Variants in PCDH7 observed in about 807,000 individuals in gnomAD.
PCDH7 encodes the protein protocadherin-7.
PCDH7 carries 17 observed loss-of-function variants against 58.9 expected under a neutral mutation model. That is an observed-to-expected ratio of 0.29 (90% CI 0.20 to 0.43). The LOEUF is 0.43. Among genes scored for constraint, PCDH7 ranks in the 20% least tolerant of loss-of-function variants. The pLI is 1.00. For synonymous variants in PCDH7, 664 were observed against 616.4 expected (o/e 1.08, Z -1.14); for missense variants, 1,274 against 1,441.0 (o/e 0.88, Z 1.88).
chr4:30,943,720 T>G (rs1441170462), intron 2 of PCDH7, among the ~76,000 whole-genome samples: 2 of 151,852 alleles, frequency 1.3e-5, no homozygotes, highest in Non-Finnish European at 2.9e-5. Flanking sequence ...GATTTTTTTT[T>G]GCTGTTTTTT....
At chr4:30,823,733 T>G (rs1728661269) in intron 1 of PCDH7, among the ~76,000 whole-genome samples, 1 of 152,080 alleles carries the variant, frequency 6.6e-6, no homozygotes, top group Non-Finnish European at 1.5e-5. Flanking sequence ...GGGGTTAGAT[T>G]AGTAGAAAGG....
At chr4:31,084,682 GGGGGA>G (rs1434456618) in intron 3 of PCDH7, among the ~76,000 whole-genome samples, 1 of 130,352 alleles carries the variant, frequency 7.7e-6, no homozygotes, top group South Asian at 3.0e-4. Flanking sequence ...GAGAGATAAA[GGGGGA>G]GGGGAGGGAA....
chr4:31,007,005 A>G (rs573797314), intron 3 of PCDH7, among the ~76,000 whole-genome samples: 4 of 152,298 alleles, frequency 2.6e-5, no homozygotes, highest in African/African-American at 7.2e-5. Context: ...TTTAAAAAGC[A>G]GGCCCTGCTA....
At chr4:31,010,797 A>G (rs1212712607) in intron 3 of PCDH7, among the ~76,000 whole-genome samples, 1 of 151,956 alleles carries the variant, frequency 6.6e-6, no homozygotes, top group Non-Finnish European at 1.5e-5. Flanking sequence ...TAATAAGAAT[A>G]AGAAGAAAAA....
chr4:31,075,846 T>G (rs1287528988), intron 3 of PCDH7, among the ~76,000 whole-genome samples: 1 of 152,200 alleles, frequency 6.6e-6, no homozygotes, highest in Admixed American at 6.5e-5. Flanking sequence ...GGTCACTTTT[T>G]CTATGGAAAA....
At chr4:31,081,965 G>T (rs1400796515) in intron 3 of PCDH7, among the ~76,000 whole-genome samples, 1 of 152,062 alleles carries the variant, frequency 6.6e-6, no homozygotes, top group Non-Finnish European at 1.5e-5. Flanking sequence ...TAGAGACAGG[G>T]TTTCACCATG....
chr4:31,074,962 A>G (rs2109258646), intron 3 of PCDH7, among the ~76,000 whole-genome samples: 1 of 152,094 alleles, frequency 6.6e-6, no homozygotes, highest in South Asian at 2.1e-4. Flanking sequence ...GTATATAATC[A>G]ACCATGTCCT....
chr4:30,842,815 G>T (rs1013162813), intron 1 of PCDH7, among the ~76,000 whole-genome samples: 2 of 152,158 alleles, frequency 1.3e-5, no homozygotes, highest in Non-Finnish European at 2.9e-5. Flanking sequence ...GAGGAACCAC[G>T]AGAGGGACAG....
intron 3 of PCDH7, among the ~76,000 whole-genome samples, chr4:31,104,384 C>T (rs945098209): frequency 3.3e-5 from 5 of 152,162 alleles, no homozygotes; most frequent in African/African-American, 1.2e-4. Context: ...ATCTAGTTTT[C>T]TCATACGCAC....
intron 3 of PCDH7, among the ~76,000 whole-genome samples, chr4:31,027,011 T>C (rs771986966): frequency 6.6e-6 from 1 of 152,192 alleles, no homozygotes; most frequent in Non-Finnish European, 1.5e-5. Flanking sequence ...CTAAACTTTT[T>C]AAAAAACTAA....
At chr4:31,000,318 A>G (rs1470585335) in intron 3 of PCDH7, among the ~76,000 whole-genome samples, 1 of 152,098 alleles carries the variant, frequency 6.6e-6, no homozygotes, top group African/African-American at 2.4e-5. Context: ...TTATATATGG[A>G]ACAAAGTTAC....
chr4:30,822,097 G>T (rs980042256), intron 1 of PCDH7, among the ~76,000 whole-genome samples: 2 of 151,838 alleles, frequency 1.3e-5, no homozygotes, highest in Non-Finnish European at 2.9e-5. Flanking sequence ...TCCTTAAAGG[G>T]CAGGTCTGTA....
intron 1 of PCDH7, among the ~76,000 whole-genome samples, chr4:30,812,280 T>G (rs1243759841): frequency 6.6e-6 from 1 of 152,224 alleles, no homozygotes; most frequent in Non-Finnish European, 1.5e-5. Flanking sequence ...TCCTGAAATC[T>G]TCACTTACAA....
chr4:30,752,101 T>G (rs1231497248), intron 1 of PCDH7, among the ~76,000 whole-genome samples: 1 of 152,076 alleles, frequency 6.6e-6, no homozygotes, highest in Non-Finnish European at 1.5e-5. Flanking sequence ...CTTCTTTACT[T>G]TGCTTTTCTT....
chr4:30,768,379 C>G (rs901131355), intron 1 of PCDH7, among the ~76,000 whole-genome samples: 1 of 140,388 alleles, frequency 7.1e-6, no homozygotes, highest in Admixed American at 7.1e-5. Context: ...CTTTTAAGAG[C>G]GGCTGAAATT....
intron 1 of PCDH7, among the ~76,000 whole-genome samples, chr4:30,852,930 G>A (rs1378172544): frequency 6.6e-6 from 1 of 151,518 alleles, no homozygotes; most frequent in Non-Finnish European, 1.5e-5. Flanking sequence ...AGTGTTTATC[G>A]GAGATGGTAA....
Position 30,722,796 on chromosome 4 carries a change from C to G in PCDH7, c.1374C>G (p.Val458=). ...GAGACCAAGGCGAGAACGGGGTGGT[C>G]ACCTGCACCGTGGTGGGCGACGTGC... Residue 458 remains valine, a synonymous_variant, in exon 1 of 2, where the codon GTC becomes GTG. Transcript: ENST00000361762. The surrounding 1 kb of genome is among the most constrained non-coding windows in gnomAD (Gnocchi z 7.6). 1 of 1,613,664 alleles carries G rather than the reference C, an allele frequency of 6.2e-7. No homozygotes were observed. Among genetic ancestry groups the G allele is most frequent in the South Asian group, 1.1e-5 (1 of 91,080 alleles).
intron 1 of PCDH7, among the ~76,000 whole-genome samples, chr4:30,907,805 G>A (rs1741169339): frequency 6.6e-6 from 1 of 152,128 alleles, no homozygotes; most frequent in African/African-American, 2.4e-5. Context: ...GCACACGTAT[G>A]TTTATTGCGG....
At chr4:31,092,061 G>C (rs1713326986) in intron 3 of PCDH7, among the ~76,000 whole-genome samples, 1 of 151,846 alleles carries the variant, frequency 6.6e-6, no homozygotes, top group Non-Finnish European at 1.5e-5. Context: ...TTTACATTTT[G>C]AGAAATTGCC....
Sources: gnomAD v4.1 joint callset for allele counts (sites outside exome capture counted in the v4.1 genomes callset) on GRCh38, gnomAD v4.1.1 for gene constraint, Gnocchi (gnomAD v3.1) non-coding constraint, MANE v1.5 for transcripts, NCBI Gene and HGNC (gene_info 2026-07-23, HGNC 2026-07-21) for gene names.